The following NCLN variants were observed in gnomAD, a reference collection of about 807,000 sequenced individuals.
NCLN encodes BOS complex subunit NCLN.
Under a neutral mutation model 69.5 loss-of-function variants are expected in NCLN, and 34 were observed. That is an observed-to-expected ratio of 0.49 (90% CI 0.37 to 0.65). The LOEUF (loss-of-function observed/expected upper bound fraction) is 0.65. NCLN is among the 30% of genes least tolerant of loss of function. The pLI is 0.00. For synonymous variants in NCLN, 393 were observed against 358.3 expected, an observed-to-expected ratio of 1.10 and a Z score of -1.09; for missense variants, 710 against 804.8, an observed-to-expected ratio of 0.88 and a Z score of 1.42.
rs529015549 is a variant in NCLN, at chr19:3,203,982, C to T, written c.890-23C>T. ...GCCACTTCCTGGTCCCCACCCACCC[C>T]GCCAGCTCTCGGTGTCCTGCAGACT... On this transcript the variant is annotated intron_variant, in intron 7 of 14. Transcript: ENST00000246117. 2.8e-5 allele frequency: 43 copies of T among 1,550,004 alleles called. 1 individual carries two copies. In the Admixed American group the frequency reaches 3.1e-4, roughly 11 times the overall value.
intron 4 of NCLN, among the ~76,000 whole-genome samples, chr19:3,197,684 G>C (rs984511986): frequency 6.7e-6 from 1 of 150,374 alleles, no homozygotes. Context: ...GCAATGGTGC[G>C]ATCTCAGCTC....
intron 4 of NCLN, among the ~76,000 whole-genome samples, chr19:3,198,315 G>A (rs958784768): frequency 2.0e-5 from 3 of 151,944 alleles, no homozygotes; most frequent in Admixed American, 6.6e-5. Flanking sequence ...GACCATCCTG[G>A]CTAACATGAT....
rs1300958574 is a variant in NCLN at position 3,199,176 on chromosome 19, AG to A, written c.696+280del. On this transcript the variant is annotated intron_variant, in intron 5 of 14. Coordinates refer to ENST00000246117, the MANE Select transcript of NCLN (RefSeq NM_020170.4). Reference sequence around the variant, plus strand: ...AGTCTGAGTCAGGGTTCCCCGGGCCAGCGCTGGGTGCCGTGGCTCCACACGA... The same window carrying A: ...AGTCTGAGTCAGGGTTCCCCGGGCCACGCTGGGTGCCGTGGCTCCACACGA... 5.3e-5 allele frequency among the ~76,000 whole-genome samples: 8 copies of A among 152,318 alleles called. No individual in the cohort carries two copies. In the East Asian group the frequency reaches 1.2e-3, roughly 22 times the overall value.
rs776223344 is a variant in NCLN at position 3,186,247 on chromosome 19, C to T, written c.184+33C>T. On this transcript the variant is annotated intron_variant, in intron 1 of 14. Coordinates refer to ENST00000246117, the MANE Select transcript of NCLN (RefSeq NM_020170.4). The stretch of plus-strand genomic sequence containing the variant: ...TCCCCGGCCCACCCTCGGGGCTCCC[C>T]GGGCTCCCCGGCCACGCCACTCCGG... The T allele has an allele frequency of 2.8e-6, 4 of 1,429,428 alleles. No homozygotes were observed. In the South Asian group the frequency reaches 4.3e-5, roughly 15 times the overall value. 88.5% of individuals were successfully genotyped at this position (1,429,428 alleles called of 1,614,324 possible). A position where few individuals can be genotyped will look rare whatever the true frequency, so the allele number is the denominator to read the frequency against.
At chr19:3,201,159 ATGC>A (rs1389718808) in intron 5 of NCLN, among the ~76,000 whole-genome samples, 1 of 152,200 alleles carries the variant, frequency 6.6e-6, no homozygotes, top group African/African-American at 2.4e-5. Flanking sequence ...GGCTGGACAG[ATGC>A]TGCCCTCTGT....
At chr19:3,195,595 T>C (rs533140386) in intron 3 of NCLN, among the ~76,000 whole-genome samples, 4 of 152,264 alleles carry the variant, frequency 2.6e-5, no homozygotes, top group African/African-American at 4.8e-5. Context: ...ATTTTTATTT[T>C]ATTCTTTCTT....
intron 6 of NCLN, among the ~76,000 whole-genome samples, chr19:3,201,934 C>T (rs1426160610): frequency 3.9e-5 from 6 of 152,000 alleles, no homozygotes; most frequent in East Asian, 3.9e-4. Context: ...CCTGTGTGGT[C>T]GGGGCCGGAT....
At position 3,203,748 on chromosome 19, in the gene NCLN, C is replaced by T. The variant is rs1916185817; in HGVS notation, c.801-8C>T. On this transcript the variant is annotated splice_region_variant and splice_polypyrimidine_tract_variant and intron_variant, in intron 6 of 14. Coordinates refer to ENST00000246117, the MANE Select transcript of NCLN (RefSeq NM_020170.4). The stretch of plus-strand genomic sequence containing the variant: ...CCGTCAAAGCTAACACTGGGTCTTC[C>T]CTCCCAGCTACAACCTCCTGTTCTT... 1.9e-6 allele frequency: 3 copies of T among 1,608,412 alleles called. No individual in the cohort carries two copies. The highest frequency in any genetic ancestry group is 2.5e-6 in the Non-Finnish European group (3 of 1,177,732).
chr19:3,200,806 C>T (rs970876159), intron 5 of NCLN, among the ~76,000 whole-genome samples: 2 of 152,134 alleles, frequency 1.3e-5, no homozygotes, highest in South Asian at 2.1e-4. Context: ...TGTGCGCATC[C>T]GTCCCAGTGC....
At chr19:3,196,117 C>G in intron 3 of NCLN, 66 bp from the exon 4 acceptor site, 1 of 1,247,986 alleles carries the variant, frequency 8.0e-7, no homozygotes, top group Non-Finnish European at 1.1e-6. Flanking sequence ...GGTGTCAGTG[C>G]TGGGGATGCC....
In NCLN at chr19:3,192,558, C is replaced by A. The variant is rs751195921; in HGVS notation, c.273C>A (p.Asp91Glu). ...GCTGCGTGCTCATGCGGCTACTGGA[C>A]TTCTCCTACGAGCAGTACCAGAAGG... ...SRRCVLMRLL[D>E]FSYEQYQKAL... The change falls in exon 2 of 15, where the codon GAC becomes GAA. Residue 91 changes from aspartate (D) to glutamate (E), a missense_variant. Coordinates refer to ENST00000246117, the MANE Select transcript of NCLN (RefSeq NM_020170.4). 1.2e-6 allele frequency: 2 copies of A among 1,610,136 alleles called. No individual in the cohort carries two copies. The highest frequency in any genetic ancestry group is 1.7e-6 in the Non-Finnish European group (2 of 1,178,804).
intron 4 of NCLN, among the ~76,000 whole-genome samples, chr19:3,197,965 C>A (rs1355898354): frequency 6.6e-6 from 1 of 152,226 alleles, no homozygotes; most frequent in African/African-American, 2.4e-5. Context: ...GATGCATGTG[C>A]AAGCCGTCCA....
At chr19:3,201,000 G>A (rs1916111870) in intron 5 of NCLN, among the ~76,000 whole-genome samples, 1 of 152,218 alleles carries the variant, frequency 6.6e-6, no homozygotes, top group African/African-American at 2.4e-5. Flanking sequence ...CCAAGAAACA[G>A]TGTGGCCTTA....
At chr19:3,190,845 G>C (rs73512590) in intron 1 of NCLN, among the ~76,000 whole-genome samples, 1,758 of 152,284 alleles carry the variant, frequency 0.012, 42 homozygotes, top group African/African-American at 0.04. Flanking sequence ...TTAGAGCGTT[G>C]CTTGTCTTTT....
At chr19:3,206,213 T>A (rs1276759480) in intron 11 of NCLN, 23 bp downstream of exon 11, 14 of 195,722 alleles carry the variant, frequency 7.2e-5, no homozygotes, top group Non-Finnish European at 1.1e-4. Flanking sequence ...GGCCAGTGGG[T>A]GGGTGGGTGG....
At chr19:3,186,283 C>G in intron 1 of NCLN, 69 bp downstream of exon 1, 1 of 1,377,282 alleles carries the variant, frequency 7.3e-7, no homozygotes, top group Middle Eastern at 2.4e-4. Context: ...CCCGGCGATC[C>G]CCAGGCCGAT....
chr19:3,186,305 G>T, intron 1 of NCLN, 91 bp downstream of exon 1: 7 of 1,322,980 alleles, frequency 5.3e-6, no homozygotes, highest in Non-Finnish European at 5.9e-6. Flanking sequence ...CCTAGCTCCG[G>T]CCTGGGCTGC....
At chr19:3,187,051 T>A (rs1007339064) in intron 1 of NCLN, among the ~76,000 whole-genome samples, 1 of 152,014 alleles carries the variant, frequency 6.6e-6, no homozygotes, top group African/African-American at 2.4e-5. Context: ...CCCCTTTCTG[T>A]CCCGCCTTTG....
At chr19:3,204,440 A>AC in intron 8 of NCLN, 133 bp from the exon 9 acceptor site, 1 of 1,011,128 alleles carries the variant, frequency 9.9e-7, no homozygotes, top group Non-Finnish European at 1.4e-6. Context: ...CCTTAGGGGG[A>AC]CCCCGGGGGC....
Sources: gnomAD v4.1 joint callset for allele counts (sites outside exome capture counted in the v4.1 genomes callset) on GRCh38, gnomAD v4.1.1 for gene constraint, MANE v1.5 for transcripts, NCBI Gene and HGNC (gene_info 2026-07-23, HGNC 2026-07-21) for gene names.